The following MACROD2 variants were observed in gnomAD, a reference collection of about 807,000 sequenced individuals.
The protein encoded by MACROD2 is mono-ADP ribosylhydrolase 2, also known as ADP-ribose glycohydrolase MACROD2.
A neutral mutation model predicts 70.4 loss-of-function variants in MACROD2; 36 were observed. That is an observed-to-expected ratio of 0.51 (90% CI 0.39 to 0.68). The LOEUF is 0.68. Ranked by LOEUF, MACROD2 falls within the 30% of genes least tolerant of loss-of-function variation. The pLI, the probability that MACROD2 is intolerant of heterozygous loss-of-function variation, is 0.00. For synonymous variants in MACROD2, 172 were observed against 178.8 expected, an observed-to-expected ratio of 0.96 and a Z score of 0.30; for missense variants, 496 against 538.4, an observed-to-expected ratio of 0.92 and a Z score of 0.78.
At chr20:14,206,303 G>A (rs1033043734) in intron 3 of MACROD2, among the ~76,000 whole-genome samples, 1 of 152,148 alleles carries the variant, frequency 6.6e-6, no homozygotes, top group Non-Finnish European at 1.5e-5. Context: ...ATTGCATTCC[G>A]CTGTGGAACT....
intron 4 of MACROD2, among the ~76,000 whole-genome samples, chr20:14,541,812 C>T (rs2085436793): frequency 6.6e-6 from 1 of 152,076 alleles, no homozygotes; most frequent in Admixed American, 6.6e-5. Flanking sequence ...TATCTAACTG[C>T]TCAAGTCTTA....
At chr20:14,976,282 T>C (rs1417315604) in intron 5 of MACROD2, among the ~76,000 whole-genome samples, 1 of 152,218 alleles carries the variant, frequency 6.6e-6, no homozygotes, top group African/African-American at 2.4e-5. Flanking sequence ...GTGTTGGTGG[T>C]GCTGGTTTCT....
In MACROD2 at chr20:14,538,894, G is replaced by A. The variant is rs116023856; in HGVS notation, c.301+45386G>A. Among the ~76,000 whole-genome samples, 338 of 152,096 alleles carry A rather than the reference G, an allele frequency of 2.2e-3. 2 individuals carry two copies. Among genetic ancestry groups the A allele is most frequent in the African/African-American group, 7.7e-3 (320 of 41,474 alleles). The stretch of plus-strand genomic sequence containing the variant: ...GCCTACATGTTTATTATCTCTTTCC[G>A]TGCTCCCCACAACCCAGTCTCCAAA... On this transcript the variant is annotated intron_variant, in intron 4 of 17. Transcript: ENST00000684519.
In MACROD2 at chr20:14,486,513, C is replaced by CTTTTTTTTTTTTTTTTTTTTTTTTTT. The variant is rs71335969; in HGVS notation, c.272-6961_272-6960insTTTTTTTTTTTTTTTTTTTTTTTTTT. 4.1e-5 allele frequency among the ~76,000 whole-genome samples: 4 copies of CTTTTTTTTTTTTTTTTTTTTTTTTTT among 97,064 alleles called. 2 individuals carry two copies. The highest frequency in any genetic ancestry group is 8.0e-5 in the African/African-American group (2 of 25,060). The allele number at this position is 97,064 out of a possible 152,430, so 63.7% of individuals were successfully genotyped here. On this transcript the variant is annotated intron_variant, in intron 3 of 17. Coordinates refer to ENST00000684519, the MANE Select transcript of MACROD2 (RefSeq NM_001351661.2). Reference sequence around the variant, plus strand: ...GAGCTATCTGGCATAAAATAGCCAACTTTTTATTTTATTTTTTTTTTTTGA... The same window carrying CTTTTTTTTTTTTTTTTTTTTTTTTTT: ...GAGCTATCTGGCATAAAATAGCCAACTTTTTTTTTTTTTTTTTTTTTTTTTTTTTTTATTTTATTTTTTTTTTTTGA...
At chr20:14,959,123 G>A (rs2074561724) in intron 5 of MACROD2, among the ~76,000 whole-genome samples, 1 of 152,046 alleles carries the variant, frequency 6.6e-6, no homozygotes, top group Non-Finnish European at 1.5e-5. Flanking sequence ...TCTTTTTGTT[G>A]TTGTTGTTGG....
At chr20:15,761,543 T>C (rs1325814242) in intron 8 of MACROD2, among the ~76,000 whole-genome samples, 3 of 152,168 alleles carry the variant, frequency 2.0e-5, no homozygotes. Flanking sequence ...TAAAGCCTAT[T>C]TTAACCATCA....
At chr20:14,414,816 C>G (rs2083786134) in intron 3 of MACROD2, among the ~76,000 whole-genome samples, 1 of 152,112 alleles carries the variant, frequency 6.6e-6, no homozygotes, top group South Asian at 2.1e-4. Flanking sequence ...TGGCTTGCAC[C>G]TCCTGGCCTC....
chr20:14,632,373 A>G (rs6105303), intron 4 of MACROD2, among the ~76,000 whole-genome samples: 2,014 of 152,306 alleles, frequency 0.013, 49 homozygotes, highest in African/African-American at 0.044. Context: ...CTCTTTGGTT[A>G]TATGATTGGA....
At chr20:14,851,048 T>C (rs1020656764) in intron 5 of MACROD2, among the ~76,000 whole-genome samples, 1 of 152,136 alleles carries the variant, frequency 6.6e-6, no homozygotes, top group African/African-American at 2.4e-5. Flanking sequence ...CCTCATATTA[T>C]TATTAATTTT....
intron 5 of MACROD2, among the ~76,000 whole-genome samples, chr20:14,783,579 ATGTAT>A (rs2072328400): frequency 6.6e-6 from 1 of 152,126 alleles, no homozygotes; most frequent in South Asian, 2.1e-4. Flanking sequence ...TGTTACATCC[ATGTAT>A]TATAACACTG....
At chr20:14,314,760 C>CTAAATAAATAAATAAATAAA (rs112460293) in intron 3 of MACROD2, among the ~76,000 whole-genome samples, 5 of 147,976 alleles carry the variant, frequency 3.4e-5, no homozygotes, top group African/African-American at 1.2e-4. Flanking sequence ...GACTTCGTCT[C>CTAAATAAATAAATAAATAAA]TAAATAAATA....
At chr20:15,615,497 G>T (rs760558853) in intron 8 of MACROD2, among the ~76,000 whole-genome samples, 13 of 152,124 alleles carry the variant, frequency 8.5e-5, no homozygotes, top group Non-Finnish European at 1.3e-4. Flanking sequence ...AGGGACTCCC[G>T]TGGGGATGTG....
chr20:14,788,770 T>TG (rs1182373271), intron 5 of MACROD2, among the ~76,000 whole-genome samples: 3 of 137,320 alleles, frequency 2.2e-5, no homozygotes, highest in Admixed American at 1.4e-4. Context: ...GGTGTTTTTT[T>TG]TTTTTTTTTT....
intron 4 of MACROD2, among the ~76,000 whole-genome samples, chr20:14,598,558 A>C (rs1346042551): frequency 6.6e-6 from 1 of 152,178 alleles, no homozygotes; most frequent in Non-Finnish European, 1.5e-5. Flanking sequence ...TGCATTCCTA[A>C]TCCTTCATAT....
At chr20:15,540,645 C>T (rs2047942587) in intron 8 of MACROD2, among the ~76,000 whole-genome samples, 1 of 152,186 alleles carries the variant, frequency 6.6e-6, no homozygotes, top group African/African-American at 2.4e-5. Flanking sequence ...ACAAATTGAG[C>T]AGCTTAAACA....
intron 8 of MACROD2, among the ~76,000 whole-genome samples, chr20:15,674,754 T>G (rs1009025694): frequency 7.4e-5 from 11 of 148,706 alleles, no homozygotes; most frequent in Non-Finnish European, 1.5e-4. Context: ...TGTGTGTGTG[T>G]TGTGTGTGTG....
intron 10 of MACROD2, among the ~76,000 whole-genome samples, chr20:15,908,455 G>A (rs2065182829): frequency 1.3e-5 from 2 of 152,152 alleles, no homozygotes; most frequent in Admixed American, 6.5e-5. Context: ...TGATTCCCTT[G>A]ACTCTGCCCA....
chr20:14,503,334 G>A (rs1325742758), intron 4 of MACROD2, among the ~76,000 whole-genome samples: 1 of 152,182 alleles, frequency 6.6e-6, no homozygotes, highest in African/African-American at 2.4e-5. Flanking sequence ...TTAAATGGCA[G>A]CAGGAGAGAC....
chr20:14,389,747 A>G (rs1266704784), intron 3 of MACROD2, among the ~76,000 whole-genome samples: 1 of 152,208 alleles, frequency 6.6e-6, no homozygotes, highest in Non-Finnish European at 1.5e-5. Flanking sequence ...AACCATAAGC[A>G]TACTTCAAAA....
Sources: allele counts gnomAD v4.1 joint callset (sites outside exome capture counted in the v4.1 genomes callset), GRCh38; gene constraint gnomAD v4.1.1; transcripts MANE v1.5; gene names NCBI Gene and HGNC (gene_info 2026-07-23, HGNC 2026-07-21).